The following MAP3K4 variants were observed in gnomAD, a reference collection of about 807,000 sequenced individuals.
MAP3K4 encodes the protein MAP three kinase 1.
MAP3K4 carries 67 observed loss-of-function variants against 185.6 expected under a neutral mutation model. That is an observed-to-expected ratio of 0.36 (90% CI 0.30 to 0.44). The LOEUF is 0.44. MAP3K4 is among the 20% of genes least tolerant of loss of function. MAP3K4 has a pLI of 1.00. For synonymous variants in MAP3K4, 702 were observed against 710.4 expected, an observed-to-expected ratio of 0.99 and a Z score of 0.19; for missense variants, 1,551 against 1,995.1, an observed-to-expected ratio of 0.78 and a Z score of 4.24.
At chr6:161,025,977 C>T (rs530670245) in intron 1 of MAP3K4, among the ~76,000 whole-genome samples, 2 of 152,236 alleles carry the variant, frequency 1.3e-5, no homozygotes, top group South Asian at 2.1e-4. Flanking sequence ...TTTTTTGTTG[C>T]TTTCCCTTGA....
In MAP3K4 at chr6:161,086,503, A is replaced by G. The variant is rs746203602; in HGVS notation, c.2472+25A>G. 11 of 1,603,768 alleles carry G rather than the reference A, an allele frequency of 6.9e-6. No homozygotes were observed. In the African/African-American group the frequency reaches 1.2e-4, roughly 18 times the overall value. Reference sequence around the variant, plus strand: ...GGTGAGCTTGCAATCCTGATTAATTAGTACCTTTTTTCTTGTTTTTCTTTT... The same window carrying G: ...GGTGAGCTTGCAATCCTGATTAATTGGTACCTTTTTTCTTGTTTTTCTTTT... On this transcript the variant is annotated intron_variant, in intron 8 of 26. Coordinates refer to ENST00000392142, the MANE Select transcript of MAP3K4 (RefSeq NM_005922.4). This position sits in a 1 kb window ranked among gnomAD's most constrained non-coding sequence, Gnocchi z 4.8.
chr6:161,000,095 A>C (rs961826908), intron 1 of MAP3K4, among the ~76,000 whole-genome samples: 6 of 152,212 alleles, frequency 3.9e-5, no homozygotes, highest in Non-Finnish European at 7.3e-5. Flanking sequence ...ACCTACAGTA[A>C]GAAATATATT....
chr6:161,112,711 C>T lies in MAP3K4; in HGVS notation c.4563C>T (p.Gly1521=). 6.2e-7 allele frequency: 1 copy of T among 1,607,654 alleles called. No homozygotes were observed. The highest frequency in any genetic ancestry group is 8.5e-7 in the Non-Finnish European group (1 of 1,177,658). The stretch of plus-strand genomic sequence containing the variant: ...TCATCACTCGTGCCAAAGGAGAGGG[C>T]CATGGGCGTGCGGCCGACATCTGGA... ...PEVITRAKGE[G]HGRAADIWSL... The change falls in exon 25 of 27, where the codon GGC becomes GGT. Residue 1521 remains glycine, a synonymous_variant. Coordinates refer to ENST00000392142, the MANE Select transcript of MAP3K4 (RefSeq NM_005922.4). This position sits in a 1 kb window ranked among gnomAD's most constrained non-coding sequence, Gnocchi z 5.1.
chr6:161,045,600 C>G (rs1382227613), intron 2 of MAP3K4, among the ~76,000 whole-genome samples: 1 of 152,124 alleles, frequency 6.6e-6, no homozygotes, highest in Non-Finnish European at 1.5e-5. Context: ...TGTAGCCAGT[C>G]TTCTGGGACT....
At chr6:161,009,279 C>T (rs1035113681) in intron 1 of MAP3K4, among the ~76,000 whole-genome samples, 2 of 152,090 alleles carry the variant, frequency 1.3e-5, no homozygotes, top group African/African-American at 2.4e-5. Flanking sequence ...TCACCGTGGC[C>T]GCCTGAACCA....
intron 2 of MAP3K4, among the ~76,000 whole-genome samples, chr6:161,042,892 A>G (rs1200658159): frequency 7.4e-6 from 1 of 135,500 alleles, no homozygotes; most frequent in Non-Finnish European, 1.6e-5. Context: ...ATATTTTGCA[A>G]TTTATATGAG....
rs56026056 is a variant in MAP3K4 at position 161,063,431 on chromosome 6, A to G, written c.1708-7177A>G. On this transcript the variant is annotated intron_variant, in intron 3 of 26. Coordinates refer to ENST00000392142, the MANE Select transcript of MAP3K4 (RefSeq NM_005922.4). This position sits in a 1 kb window ranked among gnomAD's most constrained non-coding sequence, Gnocchi z 5.4. ...TCTTTTCTGTTGCTTATTTTTAAACATGATACTTGTTTCCATGAACTTAAA... is the reference window on the plus strand; with the variant it reads ...TCTTTTCTGTTGCTTATTTTTAAACGTGATACTTGTTTCCATGAACTTAAA... 0.022 allele frequency among the ~76,000 whole-genome samples: 3,361 copies of G among 152,202 alleles called. 108 individuals carry two copies. Among genetic ancestry groups the G allele is most frequent in the African/African-American group, 0.073 (3,037 of 41,526 alleles).
intron 3 of MAP3K4, among the ~76,000 whole-genome samples, chr6:161,069,238 T>C (rs1784829398): frequency 6.6e-6 from 1 of 152,192 alleles, no homozygotes; most frequent in Non-Finnish European, 1.5e-5. Context: ...TTGGTTGTTT[T>C]CTCATTAAGC....
Position 161,091,998 on chromosome 6 carries a change from ATCT to A in MAP3K4, c.3136-7_3136-5del, listed in dbSNP as rs1287419185. 1 of 1,605,254 alleles carries A rather than the reference ATCT, an allele frequency of 6.2e-7. No individual in the cohort carries two copies. Among genetic ancestry groups the A allele is most frequent in the African/African-American group, 1.3e-5 (1 of 74,722 alleles). On this transcript the variant is annotated splice_polypyrimidine_tract_variant and intron_variant, in intron 12 of 26. Transcript: ENST00000392142. The surrounding 1 kb of genome is among the most constrained non-coding windows in gnomAD (Gnocchi z 5.5). ...TTTCCTTAATGTTGATATACATGAA[ATCT>A]TCTTACAGTATCATAAAGAAGTTGT...
At chr6:161,030,847 G>A (rs1425314610) in intron 1 of MAP3K4, among the ~76,000 whole-genome samples, 1 of 152,186 alleles carries the variant, frequency 6.6e-6, no homozygotes, top group Non-Finnish European at 1.5e-5. Flanking sequence ...TGCTTGGATG[G>A]AATGTAAACC....
rs1370460720 is a variant in MAP3K4 at position 161,008,847 on chromosome 6, G to A, written c.152+16764G>A. 1.3e-5 allele frequency among the ~76,000 whole-genome samples: 2 copies of A among 151,980 alleles called. No homozygotes were observed. The highest frequency in any genetic ancestry group is 2.9e-5 in the Non-Finnish European group (2 of 67,992). On this transcript the variant is annotated intron_variant, in intron 1 of 26. Transcript: ENST00000392142. The surrounding 1 kb of genome is among the most constrained non-coding windows in gnomAD (Gnocchi z 4.1). ...TTGTGAGGTTCATCTATGTTGTTTT[G>A]GTTGATGGTGGTTCTTTCATTCTTG... is the stretch of plus-strand genomic sequence containing the variant.
rs1341514420 is a variant in MAP3K4 at position 161,071,250 on chromosome 6, C to T, written c.1950+400C>T. Among the ~76,000 whole-genome samples the T allele has an allele frequency of 1.3e-5, 2 of 152,102 alleles. No homozygotes were observed. The highest frequency in any genetic ancestry group is 3.9e-4 in the East Asian group (2 of 5,182). ...GGTTTGGACTTTCTGCTTGCTTAAG[C>T]AGTGGTATGGTTTAAACAGTAGTGA... On this transcript the variant is annotated intron_variant, in intron 4 of 26. Transcript: ENST00000392142. The surrounding 1 kb of genome is among the most constrained non-coding windows in gnomAD (Gnocchi z 4.6).
Position 161,034,520 on chromosome 6 carries a change from G to T in MAP3K4, c.343+71G>T. The T allele has an allele frequency of 7.9e-7, 1 of 1,260,230 alleles. No homozygotes were observed. 78.1% of individuals were successfully genotyped at this position (1,260,230 alleles called of 1,614,324 possible). Reference sequence around the variant, plus strand: ...CTTGATTGATTCTTTCAACAATAAAGTTAGCAATTTCTTTTATTTTTAATT... The same window carrying T: ...CTTGATTGATTCTTTCAACAATAAATTTAGCAATTTCTTTTATTTTTAATT... On this transcript the variant is annotated intron_variant, in intron 2 of 26. Transcript: ENST00000392142. This position sits in a 1 kb window ranked among gnomAD's most constrained non-coding sequence, Gnocchi z 4.4.
At position 161,070,698 on chromosome 6, in the gene MAP3K4, T is replaced by A. The variant is rs755611146; in HGVS notation, c.1798T>A (p.Ser600Thr). 6.2e-7 allele frequency: 1 copy of A among 1,614,140 alleles called. No individual in the cohort carries two copies. The highest frequency in any genetic ancestry group is 1.1e-5 in the South Asian group (1 of 91,076). ...ATCTGAGGAGAAATGCAGTGCTGTG[T>A]CGTGGGAGGAGCTGAAGGCCATGGA... is the stretch of plus-strand genomic sequence containing the variant. ...PSSEEKCSAV[S>T]WEELKAMDLP... is the part of the protein sequence containing the mutation. Residue 600 changes from serine to threonine, a missense_variant, in exon 4 of 27, where the codon TCG becomes ACG. Physicochemically the swap from Ser to Thr is moderately conservative, Grantham distance 58. Around this residue, in one of 16 missense-constraint regions of MAP3K4, gnomAD observed 86 missense variants for 81.6 expected, o/e 1.05. Coordinates refer to ENST00000392142, the MANE Select transcript of MAP3K4 (RefSeq NM_005922.4). The surrounding 1 kb of genome is among the most constrained non-coding windows in gnomAD (Gnocchi z 4.5).
chr6:161,034,490 T>G lies in MAP3K4; in HGVS notation c.343+41T>G. 1.4e-6 allele frequency: 2 copies of G among 1,438,970 alleles called. No individual in the cohort carries two copies. The highest frequency in any genetic ancestry group is 2.6e-5 in the South Asian group (2 of 77,104). The allele number at this position is 1,438,970 out of a possible 1,614,324, so 89.1% of individuals were successfully genotyped here. On this transcript the variant is annotated intron_variant, in intron 2 of 26. Coordinates refer to ENST00000392142, the MANE Select transcript of MAP3K4 (RefSeq NM_005922.4). The surrounding 1 kb of genome is among the most constrained non-coding windows in gnomAD (Gnocchi z 4.4). ...GAAAAGAGGTGTACATGAGAGGGTA[T>G]GGCACTTGATTGATTCTTTCAACAA... is the stretch of plus-strand genomic sequence containing the variant.
At chr6:161,000,099 A>G (rs1781196539) in intron 1 of MAP3K4, among the ~76,000 whole-genome samples, 2 of 152,222 alleles carry the variant, frequency 1.3e-5, no homozygotes, top group South Asian at 2.1e-4. Context: ...ACAGTAAGAA[A>G]TATATTTTAT....
rs1781720177 is a variant in MAP3K4, at chr6:161,008,929, T to G, written c.152+16846T>G. Among the ~76,000 whole-genome samples the G allele has an allele frequency of 6.6e-6, 1 of 152,098 alleles. No individual in the cohort carries two copies. Among genetic ancestry groups the G allele is most frequent in the Non-Finnish European group, 1.5e-5 (1 of 68,020 alleles). On this transcript the variant is annotated intron_variant, in intron 1 of 26. Transcript: ENST00000392142. The surrounding 1 kb of genome is among the most constrained non-coding windows in gnomAD (Gnocchi z 4.1). ...GTAACATTTTGCTCAATGGGTATAA[T>G]GTTTATACCCATTGTATAAATGTAT... is the stretch of plus-strand genomic sequence containing the variant.
chr6:161,070,697 G>T lies in MAP3K4; in HGVS notation c.1797G>T (p.Val599=), dbSNP rs749887404. 31 of 1,614,044 alleles carry T rather than the reference G, an allele frequency of 1.9e-5. No individual in the cohort carries two copies. The East Asian group carries it at 6.5e-4, about 34-fold the overall frequency. ...CATCTGAGGAGAAATGCAGTGCTGT[G>T]TCGTGGGAGGAGCTGAAGGCCATGG... ...PPSSEEKCSA[V]SWEELKAMDL... Residue 599 remains valine, a synonymous_variant, in exon 4 of 27, where the codon GTG becomes GTT. Transcript: ENST00000392142. This position sits in a 1 kb window ranked among gnomAD's most constrained non-coding sequence, Gnocchi z 4.5.
rs1408991822 is a variant in MAP3K4, at chr6:161,084,675, G to A, written c.2372+58G>A. The A allele has an allele frequency of 1.9e-6, 2 of 1,032,808 alleles. No homozygotes were observed. The highest frequency in any genetic ancestry group is 2.6e-5 in the South Asian group (2 of 76,380). The allele number at this position is 1,032,808 out of a possible 1,614,324, so 64.0% of individuals were successfully genotyped here. A position where few individuals can be genotyped will look rare whatever the true frequency, so the allele number is the denominator to read the frequency against. ...CTTATCTCGTAGTTTCCTTCCTCATGGTGAGATCCTAGAAGGAGCCTTGTT... is the reference window on the plus strand; with the variant it reads ...CTTATCTCGTAGTTTCCTTCCTCATAGTGAGATCCTAGAAGGAGCCTTGTT... On this transcript the variant is annotated intron_variant, in intron 7 of 26. Transcript: ENST00000392142. The surrounding 1 kb of genome is among the most constrained non-coding windows in gnomAD (Gnocchi z 4.6).
Sources: gnomAD v4.1 joint callset for allele counts (sites outside exome capture counted in the v4.1 genomes callset) on GRCh38, gnomAD v4.1.1 for gene constraint, gnomAD v4.1.1 regional missense constraint, Gnocchi (gnomAD v3.1) non-coding constraint, MANE v1.5 for transcripts, NCBI Gene and HGNC (gene_info 2026-07-23, HGNC 2026-07-21) for gene names.